The following CADM2 variants were observed in gnomAD, a reference collection of about 807,000 sequenced individuals.
The protein encoded by CADM2 is cell adhesion molecule 2, also known as immunoglobulin superfamily member 4D.
A neutral mutation model predicts 49.8 loss-of-function variants in CADM2; 12 were observed. The observed-to-expected ratio is 0.24, with a 90% CI of 0.15 to 0.39. The LOEUF (loss-of-function observed/expected upper bound fraction) is 0.39, where lower values mean the gene tolerates loss of function less well. Among genes scored for constraint, CADM2 ranks in the 10% least tolerant of loss-of-function variants. The pLI is 1.00. For synonymous variants in CADM2, 214 were observed against 175.4 expected, an observed-to-expected ratio of 1.22 and a Z score of -1.74; for missense variants, 378 against 492.3, an observed-to-expected ratio of 0.77 and a Z score of 2.20.
intron 8 of CADM2, among the ~76,000 whole-genome samples, chr3:86,042,375 A>G (rs1736061487): frequency 6.6e-6 from 1 of 152,180 alleles, no homozygotes; most frequent in South Asian, 2.1e-4. Context: ...AAATAGATGC[A>G]ATAAAAAATG....
At chr3:85,856,343 T>C (rs1232766628) in intron 3 of CADM2, among the ~76,000 whole-genome samples, 1 of 152,168 alleles carries the variant, frequency 6.6e-6, no homozygotes, top group African/African-American at 2.4e-5. Context: ...TAAAGGAAAA[T>C]AGCACATATT....
At chr3:85,850,566 G>C (rs891763341) in intron 3 of CADM2, among the ~76,000 whole-genome samples, 1 of 151,952 alleles carries the variant, frequency 6.6e-6, no homozygotes, top group African/African-American at 2.4e-5. Context: ...CTGACCTCCT[G>C]ATCCGCCCGC....
chr3:85,419,913 C>A, intron 1 of CADM2, among the ~76,000 whole-genome samples: 1 of 152,182 alleles, frequency 6.6e-6, no homozygotes, highest in Non-Finnish European at 1.5e-5. Flanking sequence ...ATTCTGATTC[C>A]GTAGGTCAGG....
At chr3:85,864,886 C>T (rs577672778) in intron 3 of CADM2, among the ~76,000 whole-genome samples, 29 of 152,066 alleles carry the variant, frequency 1.9e-4, no homozygotes, top group African/African-American at 6.5e-4. Flanking sequence ...TTTTTCTAGC[C>T]TTTCTCCTTT....
intron 1 of CADM2, among the ~76,000 whole-genome samples, chr3:85,661,369 T>A (rs1262934522): frequency 7.3e-6 from 1 of 136,606 alleles, no homozygotes; most frequent in Non-Finnish European, 1.6e-5. Context: ...GTAAATGAGA[T>A]CATGTGGGAC....
intron 1 of CADM2, among the ~76,000 whole-genome samples, chr3:85,504,935 TGCCCGGGGCCG>T (rs2040266933): frequency 1.3e-5 from 2 of 152,122 alleles, no homozygotes; most frequent in African/African-American, 4.8e-5. Context: ...AGCCCCTCAT[TGCCCGGGGCCG>T]GCAGGGCCGG....
intron 1 of CADM2, among the ~76,000 whole-genome samples, chr3:85,258,726 C>G (rs1009628121): frequency 1.3e-5 from 2 of 152,068 alleles, no homozygotes; most frequent in Non-Finnish European, 2.9e-5. Flanking sequence ...AAGTTGGGCT[C>G]TATCATATAT....
In CADM2 at chr3:86,067,030, T is replaced by A. The variant is rs1019905615; in HGVS notation, c.*247T>A. 6.6e-6 allele frequency: 3 copies of A among 455,496 alleles called. No homozygotes were observed. Among genetic ancestry groups the A allele is most frequent in the African/African-American group, 6.0e-5 (3 of 50,300 alleles). 28.2% of individuals were successfully genotyped at this position (455,496 alleles called of 1,614,324 possible). ...ACACCATTGCTCTTTTAACATACAG[T>A]GCTTGAATATACAGCCTTAACAATG... On this transcript the variant is annotated 3_prime_UTR_variant, in exon 10 of 10. Coordinates refer to ENST00000383699, the MANE Select transcript of CADM2 (RefSeq NM_001167675.2).
chr3:85,163,198 G>A (rs1033199396), intron 1 of CADM2, among the ~76,000 whole-genome samples: 43 of 152,154 alleles, frequency 2.8e-4, no homozygotes, highest in Middle Eastern at 3.4e-3. Context: ...ATTTCTGTGA[G>A]TTTGAAAACC....
At chr3:85,490,346 C>G (rs901997924) in intron 1 of CADM2, among the ~76,000 whole-genome samples, 1 of 151,860 alleles carries the variant, frequency 6.6e-6, no homozygotes, top group Non-Finnish European at 1.5e-5. Context: ...TTATATATAG[C>G]ACAGTGTTAA....
At chr3:85,993,778 G>T (rs1412193203) in intron 8 of CADM2, 1 of 151,366 alleles carries the variant, frequency 6.6e-6, no homozygotes, top group African/African-American at 2.4e-5. Context: ...GTAATATCTT[G>T]AAAGGAATCT....
chr3:85,831,737 T>C (rs1170711056), intron 3 of CADM2, among the ~76,000 whole-genome samples: 2 of 152,060 alleles, frequency 1.3e-5, no homozygotes, highest in Admixed American at 1.3e-4. Flanking sequence ...TATTAGACTT[T>C]TGTCAAATGC....
intron 3 of CADM2, among the ~76,000 whole-genome samples, chr3:85,803,741 T>C (rs1434068394): frequency 2.0e-5 from 3 of 152,060 alleles, no homozygotes; most frequent in African/African-American, 7.2e-5. Flanking sequence ...ACTGATTGAG[T>C]GTCTCCTGTC....
At chr3:85,608,423 AT>A (rs2063593364) in intron 1 of CADM2, among the ~76,000 whole-genome samples, 1 of 152,070 alleles carries the variant, frequency 6.6e-6, no homozygotes. Context: ...CAAAAGGCTT[AT>A]TTTTGTTTAC....
chr3:85,332,551 G>A (rs1331738333), intron 1 of CADM2, among the ~76,000 whole-genome samples: 1 of 151,858 alleles, frequency 6.6e-6, no homozygotes, highest in Non-Finnish European at 1.5e-5. Flanking sequence ...TGCAATCTGA[G>A]TTTATAATTT....
rs975382106 is a variant in CADM2, at chr3:85,205,172, C to A, written c.61+245504C>A. ...AGCAGGGAATACATGCAGGTGCCAC[C>A]GTGCCTGGTTAATTTTTCTAAAAAA... On this transcript the variant is annotated intron_variant, in intron 1 of 9. Coordinates refer to ENST00000383699, the MANE Select transcript of CADM2 (RefSeq NM_001167675.2). 2.0e-5 allele frequency among the ~76,000 whole-genome samples: 3 copies of A among 150,664 alleles called. No homozygotes were observed. The East Asian group carries it at 5.8e-4, about 29-fold the overall frequency.
chr3:85,756,693 T>G (rs1559635865), intron 2 of CADM2, among the ~76,000 whole-genome samples: 1 of 152,082 alleles, frequency 6.6e-6, no homozygotes, highest in African/African-American at 2.4e-5. Context: ...AAAATATTAG[T>G]TTTCTTTCAA....
At chr3:85,738,287 T>A (rs2068230154) in intron 2 of CADM2, among the ~76,000 whole-genome samples, 1 of 152,230 alleles carries the variant, frequency 6.6e-6, no homozygotes, top group East Asian at 1.9e-4. Context: ...GATGCTCCTA[T>A]GTAATCTGAT....
At chr3:85,475,569 C>A (rs1175483497) in intron 1 of CADM2, among the ~76,000 whole-genome samples, 2 of 151,800 alleles carry the variant, frequency 1.3e-5, no homozygotes, top group Non-Finnish European at 2.9e-5. Context: ...GTAGTCATTA[C>A]TTATCATGTG....
Sources: allele counts gnomAD v4.1 joint callset (sites outside exome capture counted in the v4.1 genomes callset), GRCh38; gene constraint gnomAD v4.1.1; transcripts MANE v1.5; gene names NCBI Gene and HGNC (gene_info 2026-07-23, HGNC 2026-07-21).